The following C1QTNF3 variants were observed in gnomAD, a reference collection of about 807,000 sequenced individuals.
The protein encoded by C1QTNF3 is complement C1q tumor necrosis factor-related protein 3.
C1QTNF3 carries 26 observed loss-of-function variants against 32.6 expected under a neutral mutation model. That is an observed-to-expected ratio of 0.80 (90% confidence interval 0.58 to 1.11). The LOEUF is 1.11. Ranked by LOEUF, C1QTNF3 falls within the 50% of genes least tolerant of loss-of-function variation. C1QTNF3 has a pLI of 0.00. For synonymous variants in C1QTNF3, 155 were observed against 146.0 expected (o/e 1.06, Z -0.44); for missense variants, 362 against 398.2 (o/e 0.91, Z 0.77).
the C1QTNF3 span, among the ~76,000 whole-genome samples, chr5:34,212,204 G>C: frequency 6.6e-6 from 1 of 151,198 alleles, no homozygotes; most frequent in Non-Finnish European, 1.5e-5. Context: ...TAGTCATATG[G>C]AGAAAGCTGA....
At chr5:34,187,342 T>G in the C1QTNF3 span, among the ~76,000 whole-genome samples, 176 of 150,138 alleles carry the variant, frequency 1.2e-3, no homozygotes, top group African/African-American at 4.4e-3. Flanking sequence ...GGGCTGCTGC[T>G]GTAAAGATAC....
chr5:34,062,137 T>C, the C1QTNF3 span, among the ~76,000 whole-genome samples: 1 of 152,288 alleles, frequency 6.6e-6, no homozygotes, highest in Non-Finnish European at 1.5e-5. Context: ...ATGCCACCAG[T>C]CTCTTTGCTA....
chr5:34,210,143 T>G, the C1QTNF3 span, among the ~76,000 whole-genome samples: 2 of 152,036 alleles, frequency 1.3e-5, no homozygotes, highest in Non-Finnish European at 2.9e-5. Context: ...ATAGTGATAT[T>G]TTAGCTCACT....
chr5:34,088,310 T>C, the C1QTNF3 span, among the ~76,000 whole-genome samples: 4 of 152,210 alleles, frequency 2.6e-5, no homozygotes, highest in African/African-American at 4.8e-5. Context: ...CTTGGTCTTT[T>C]TCATCTCTAT....
At chr5:34,223,582 G>A in the C1QTNF3 span, among the ~76,000 whole-genome samples, 1 of 151,844 alleles carries the variant, frequency 6.6e-6, no homozygotes, top group African/African-American at 2.4e-5. Context: ...CTAGATCCCT[G>A]AGGAATTGCC....
At chr5:34,036,986 G>C (rs937571397) in intron 1 of C1QTNF3, among the ~76,000 whole-genome samples, 1 of 152,136 alleles carries the variant, frequency 6.6e-6, no homozygotes, top group African/African-American at 2.4e-5. Context: ...TTATCTCACT[G>C]TTTGAACCAA....
At position 34,020,085 on chromosome 5, in the gene C1QTNF3, G is replaced by T. The variant is rs1052954617; in HGVS notation, c.*498C>A. 1 of 154,926 alleles carries T rather than the reference G, an allele frequency of 6.5e-6. No individual in the cohort carries two copies. The highest frequency in any genetic ancestry group is 2.0e-4 in the South Asian group (1 of 5,088). 9.6% of individuals were successfully genotyped at this position (154,926 alleles called of 1,614,324 possible). ...GTGGATCAAAAGGAAAGGGTCAAAG[G>T]CTAAGCTGAACACGGAGGGCACTAA... On this transcript the variant is annotated 3_prime_UTR_variant, in exon 6 of 6. Coordinates refer to ENST00000382065, the MANE Select transcript of C1QTNF3 (RefSeq NM_181435.6).
At chr5:34,224,170 G>T in the C1QTNF3 span, among the ~76,000 whole-genome samples, 1 of 152,236 alleles carries the variant, frequency 6.6e-6, no homozygotes, top group Non-Finnish European at 1.5e-5. Context: ...AGAAATAGAA[G>T]AACATTCCAT....
chr5:34,207,396 G>GC, the C1QTNF3 span, among the ~76,000 whole-genome samples: 1 of 151,786 alleles, frequency 6.6e-6, no homozygotes, highest in Non-Finnish European at 1.5e-5. Context: ...TCTCCAGGCA[G>GC]CCATTTGATT....
chr5:34,195,452 G>T, the C1QTNF3 span, among the ~76,000 whole-genome samples: 4 of 136,866 alleles, frequency 2.9e-5, no homozygotes, highest in Non-Finnish European at 6.3e-5. Flanking sequence ...AAAAGCTGTC[G>T]TTGGAGAGAA....
At chr5:34,092,033 T>C in the C1QTNF3 span, among the ~76,000 whole-genome samples, 3 of 150,950 alleles carry the variant, frequency 2.0e-5, no homozygotes, top group African/African-American at 7.3e-5. Context: ...CAAATAGATA[T>C]TGAGCTCCTT....
the C1QTNF3 span, among the ~76,000 whole-genome samples, chr5:34,240,914 T>G: frequency 4.6e-5 from 7 of 152,146 alleles, no homozygotes. Flanking sequence ...ATCAAAAAAT[T>G]AATCTACTAT....
chr5:34,054,928 A>C, the C1QTNF3 span, among the ~76,000 whole-genome samples: 1 of 152,202 alleles, frequency 6.6e-6, no homozygotes, highest in Non-Finnish European at 1.5e-5. Context: ...ATATCAATTA[A>C]GGATTTGAAT....
At chr5:34,046,419 T>C (rs1427333453), upstream of C1QTNF3, among the ~76,000 whole-genome samples, 2 of 152,174 alleles carry the variant, frequency 1.3e-5, no homozygotes, top group African/African-American at 4.8e-5. Flanking sequence ...ACTGTGTCTT[T>C]ATAAAAAGGG....
the C1QTNF3 span, among the ~76,000 whole-genome samples, chr5:34,209,836 T>A: frequency 1.4e-4 from 21 of 152,236 alleles, no homozygotes; most frequent in East Asian, 4.0e-3. Flanking sequence ...TATTCAAAAA[T>A]CTTTATCAGA....
chr5:34,112,911 G>C, the C1QTNF3 span, among the ~76,000 whole-genome samples: 4 of 151,962 alleles, frequency 2.6e-5, no homozygotes, highest in Admixed American at 2.0e-4. Context: ...CATGGTGACA[G>C]AGGAGCAGCT....
the C1QTNF3 span, among the ~76,000 whole-genome samples, chr5:34,083,500 A>G: frequency 9.5e-6 from 1 of 105,472 alleles, no homozygotes; most frequent in South Asian, 2.9e-4. Context: ...TTATCAGGTA[A>G]TGAATTTGTA....
the C1QTNF3 span, among the ~76,000 whole-genome samples, chr5:34,226,077 C>T: frequency 6.6e-6 from 1 of 151,392 alleles, no homozygotes; most frequent in African/African-American, 2.4e-5. Flanking sequence ...CTTTCTTGTC[C>T]CCTTGAACCA....
the C1QTNF3 span, among the ~76,000 whole-genome samples, chr5:34,075,919 G>A: frequency 8.7e-5 from 13 of 149,402 alleles, no homozygotes; most frequent in Non-Finnish European, 1.5e-4. Context: ...ACACACACAC[G>A]GTGGAATATT....
Sources: allele counts gnomAD v4.1 joint callset (sites outside exome capture counted in the v4.1 genomes callset), GRCh38; gene constraint gnomAD v4.1.1; transcripts MANE v1.5; gene names NCBI Gene and HGNC (gene_info 2026-07-23, HGNC 2026-07-21).